Variants in RER1 observed in about 807,000 individuals in gnomAD.
RER1 encodes protein RER1.
In RER1, 6 loss-of-function variants were observed where a neutral mutation model predicts 28.3. That is an observed-to-expected ratio of 0.21 (90% CI 0.12 to 0.42). The LOEUF (loss-of-function observed/expected upper bound fraction) is 0.42. Ranked by LOEUF, RER1 falls within the 10% of genes least tolerant of loss-of-function variation. RER1 has a pLI of 1.00. For synonymous variants in RER1, 110 were observed against 95.9 expected (o/e 1.15, Z -0.86); for missense variants, 159 against 252.9 (o/e 0.63, Z 2.52).
chr1:2,395,924 T>G, intron 2 of RER1, 53 bp downstream of exon 2: 1 of 1,353,944 alleles, frequency 7.4e-7, no homozygotes, highest in Non-Finnish European at 1.1e-6. Context: ...GAAACGGGAC[T>G]CCCAGCATTT....
intron 4 of RER1, among the ~76,000 whole-genome samples, chr1:2,400,052 A>C (rs993160407): frequency 2.0e-5 from 3 of 152,142 alleles, no homozygotes; most frequent in Non-Finnish European, 4.4e-5. Flanking sequence ...CACTATTGGA[A>C]GACTTACGCA....
chr1:2,402,040 C>T, intron 5 of RER1, 167 bp from the exon 6 acceptor site: 1 of 1,553,046 alleles, frequency 6.4e-7, no homozygotes, highest in Non-Finnish European at 8.7e-7. Flanking sequence ...TGTCTGTGAG[C>T]TACATGCAAA....
intron 5 of RER1, among the ~76,000 whole-genome samples, chr1:2,401,587 G>C (rs887109559): frequency 1.3e-5 from 2 of 151,268 alleles, no homozygotes; most frequent in Non-Finnish European, 2.9e-5. Flanking sequence ...GCATCCGTTT[G>C]TCTTGTCCCT....
Position 2,403,187 on chromosome 1 carries a change from T to A in RER1, c.*63T>A, listed in dbSNP as rs764691613. 6 of 1,275,034 alleles carry A rather than the reference T, an allele frequency of 4.7e-6. No individual in the cohort carries two copies. The Admixed American group carries it at 1.0e-4, about 22-fold the overall frequency. 79.0% of individuals were successfully genotyped at this position (1,275,034 alleles called of 1,614,324 possible). A position where few individuals can be genotyped will look rare whatever the true frequency, so the allele number is the denominator to read the frequency against. On this transcript the variant is annotated 3_prime_UTR_variant, in exon 7 of 7. Transcript: ENST00000605895. ...GTTTTGAGCCATTGTTAACAATGCCTTTTTTCTTCACATAAAGTAGTTGAT... is the reference window on the plus strand; with the variant it reads ...GTTTTGAGCCATTGTTAACAATGCCATTTTTCTTCACATAAAGTAGTTGAT...
chr1:2,397,327 G>A (rs1642781297), intron 3 of RER1, 107 bp downstream of exon 3: 5 of 750,864 alleles, frequency 6.7e-6, no homozygotes, highest in Non-Finnish European at 1.2e-5. Flanking sequence ...GTGGTCTCTA[G>A]TAATCAATTT....
chr1:2,401,935 C>T, intron 5 of RER1: 1 of 1,347,506 alleles, frequency 7.4e-7, no homozygotes, highest in Non-Finnish European at 9.9e-7. Context: ...GGCCCCCAGC[C>T]TCAGTACTGA....
chr1:2,396,530 C>G (rs1570076608), intron 2 of RER1, among the ~76,000 whole-genome samples: 1 of 152,188 alleles, frequency 6.6e-6, no homozygotes, highest in Non-Finnish European at 1.5e-5. Flanking sequence ...AAATTTCTCA[C>G]AATTTGAAAA....
chr1:2,401,104 C>T (rs948185734), intron 5 of RER1, among the ~76,000 whole-genome samples, 169 bp downstream of exon 5: 8 of 152,072 alleles, frequency 5.3e-5, no homozygotes, highest in African/African-American at 1.9e-4. Context: ...TTGCCGCATT[C>T]TCTTGGTTTC....
intron 4 of RER1, 47 bp downstream of exon 4, chr1:2,399,561 T>C: frequency 8.6e-7 from 1 of 1,168,486 alleles, no homozygotes; most frequent in Admixed American, 1.7e-5. Flanking sequence ...GTTGGGCCTT[T>C]CTTTTCTGAT....
At chr1:2,395,377 G>A (rs188380076) in intron 1 of RER1, 30 of 242,458 alleles carry the variant, frequency 1.2e-4, no homozygotes, top group Admixed American at 9.2e-4. Context: ...CAGACAAGGT[G>A]CCTGGGCGGG....
rs554357307 is a variant in RER1, at chr1:2,405,105, TTC to T, written c.*1983_*1984del. The T allele has an allele frequency of 6.2e-6, 1 of 160,178 alleles. No homozygotes were observed. Among genetic ancestry groups the T allele is most frequent in the Non-Finnish European group, 1.4e-5 (1 of 72,102 alleles). 9.9% of individuals were successfully genotyped at this position (160,178 alleles called of 1,614,324 possible). ...GTGCGTCTCAGGCTGAGATGCAGAT[TTC>T]TGTTTTCTAAAACTGGAAGCGACCT... On this transcript the variant is annotated 3_prime_UTR_variant, in exon 7 of 7. Transcript: ENST00000605895.
At chr1:2,402,052 G>T (rs763808591) in intron 5 of RER1, 155 bp from the exon 6 acceptor site, 1 of 1,566,950 alleles carries the variant, frequency 6.4e-7, no homozygotes, top group Non-Finnish European at 8.7e-7. Context: ...ACATGCAAAG[G>T]GTCCTGCTGC....
rs775761138 is a variant in RER1, at chr1:2,403,580, C to T, written c.*456C>T. On this transcript the variant is annotated 3_prime_UTR_variant, in exon 7 of 7. Coordinates refer to ENST00000605895, the MANE Select transcript of RER1 (RefSeq NM_007033.5). The stretch of plus-strand genomic sequence containing the variant: ...TTCCTGCGTGTCCGAAAGAACTTAA[C>T]GTTTTAAAGGTGATTGTCAAGTAAC... 81 of 179,888 alleles carry T rather than the reference C, an allele frequency of 4.5e-4. No homozygotes were observed. The highest frequency in any genetic ancestry group is 7.8e-4 in the Non-Finnish European group (66 of 84,342). 11.1% of individuals were successfully genotyped at this position (179,888 alleles called of 1,614,324 possible).
chr1:2,395,657 A>T (rs1642758805), intron 1 of RER1, 127 bp from the exon 2 acceptor site: 2 of 715,550 alleles, frequency 2.8e-6, no homozygotes, highest in Non-Finnish European at 5.0e-6. Context: ...TGGTAAAAAC[A>T]CAAATGGTAT....
chr1:2,400,662 T>C (rs968291126), intron 4 of RER1, among the ~76,000 whole-genome samples, 195 bp from the exon 5 acceptor site: 1 of 152,246 alleles, frequency 6.6e-6, no homozygotes, highest in African/African-American at 2.4e-5. Flanking sequence ...AACATTCTGA[T>C]AGCACCTTCT....
At chr1:2,402,730 T>G (rs926464166) in intron 6 of RER1, among the ~76,000 whole-genome samples, 25 of 152,200 alleles carry the variant, frequency 1.6e-4, no homozygotes, top group Admixed American at 3.3e-4. Context: ...GCCTTCGTGC[T>G]GCGGGCCTCA....
chr1:2,392,207 G>T (rs1642687193), intron 1 of RER1, among the ~76,000 whole-genome samples: 1 of 152,034 alleles, frequency 6.6e-6, no homozygotes, highest in Admixed American at 6.5e-5. Flanking sequence ...GAGGGTCGGG[G>T]GAGCGGGAGA....
rs1642920089 is a variant in RER1, at chr1:2,404,137, C to G, written c.*1013C>G. ...GAGACACTGACATGCGAGTGAAGGC[C>G]TCTCCTCCTGGGCCCCGGGCTGCGC... is the stretch of plus-strand genomic sequence containing the variant. On this transcript the variant is annotated 3_prime_UTR_variant, in exon 7 of 7. Coordinates refer to ENST00000605895, the MANE Select transcript of RER1 (RefSeq NM_007033.5). 4 of 152,128 alleles carry G rather than the reference C, an allele frequency of 2.6e-5. No individual in the cohort carries two copies. Among genetic ancestry groups the G allele is most frequent in the Admixed American group, 6.5e-5 (1 of 15,274 alleles). 9.4% of individuals were successfully genotyped at this position (152,128 alleles called of 1,614,324 possible).
intron 1 of RER1, chr1:2,394,447 G>A (rs1309556417): frequency 6.6e-6 from 1 of 152,292 alleles, no homozygotes; most frequent in African/African-American, 2.4e-5. Context: ...AGTGCTCACA[G>A]TGAGGATGGG....
Sources: gnomAD v4.1 joint callset for allele counts (sites outside exome capture counted in the v4.1 genomes callset) on GRCh38, gnomAD v4.1.1 for gene constraint, MANE v1.5 for transcripts, NCBI Gene and HGNC (gene_info 2026-07-23, HGNC 2026-07-21) for gene names.